The following CEP63 variants were observed in gnomAD, a reference collection of about 807,000 sequenced individuals.
CEP63 encodes the protein centrosomal protein 63, also known as centrosomal protein of 63 kDa.
A neutral mutation model predicts 89.1 loss-of-function variants in CEP63; 84 were observed. The observed-to-expected ratio is 0.94, with a 90% CI of 0.79 to 1.13. CEP63 has a LOEUF of 1.13. Ranked by LOEUF, CEP63 falls within the 50% of genes most tolerant of loss-of-function variation. The pLI is 0.00. For missense variants in CEP63, 838 were observed against 813.3 expected, an observed-to-expected ratio of 1.03 and a Z score of -0.37; for synonymous variants, 267 against 272.5, an observed-to-expected ratio of 0.98 and a Z score of 0.20.
chr3:134,516,179 GCAGA>G (rs1377010769), intron 3 of CEP63, among the ~76,000 whole-genome samples: 1 of 152,172 alleles, frequency 6.6e-6, no homozygotes. Flanking sequence ...GAGAAGGTCA[GCAGA>G]CAAACATGTG....
intron 8 of CEP63, among the ~76,000 whole-genome samples, chr3:134,546,871 A>G (rs1953475586): frequency 6.6e-6 from 1 of 152,194 alleles, no homozygotes; most frequent in South Asian, 2.1e-4. Context: ...GAAAATCCAA[A>G]TGTGCAGGGA....
the CEP63 span, among the ~76,000 whole-genome samples, chr3:134,723,046 C>T: frequency 2.6e-5 from 4 of 152,196 alleles, no homozygotes; most frequent in Admixed American, 2.0e-4. Flanking sequence ...TTGCCAAATG[C>T]CCTGCTAAAG....
At chr3:134,569,473 C>T (rs190541605), downstream of CEP63, among the ~76,000 whole-genome samples, 167 of 152,338 alleles carry the variant, frequency 1.1e-3, no homozygotes, top group Middle Eastern at 3.4e-3. Context: ...CGAAATCCAG[C>T]GGGGCAGTCA....
At chr3:134,677,289 C>T in the CEP63 span, among the ~76,000 whole-genome samples, 2 of 152,194 alleles carry the variant, frequency 1.3e-5, no homozygotes, top group Non-Finnish European at 2.9e-5. Flanking sequence ...CTTTACTTCG[C>T]ACCCTTTTCT....
At chr3:134,726,834 A>G in the CEP63 span, among the ~76,000 whole-genome samples, 2 of 152,156 alleles carry the variant, frequency 1.3e-5, no homozygotes, top group South Asian at 4.1e-4. Flanking sequence ...TGTTGCTCTC[A>G]CTGGGATTAG....
downstream of CEP63, among the ~76,000 whole-genome samples, chr3:134,577,309 A>C (rs971385852): frequency 6.6e-6 from 1 of 152,218 alleles, no homozygotes; most frequent in Non-Finnish European, 1.5e-5. Context: ...CTTTTTAAAA[A>C]ATAGTAGCAT....
chr3:134,694,902 T>G, the CEP63 span, among the ~76,000 whole-genome samples: 2 of 152,180 alleles, frequency 1.3e-5, no homozygotes, highest in African/African-American at 4.8e-5. Flanking sequence ...TGCACATGTG[T>G]GGGCACGTGT....
In CEP63 at chr3:134,563,706, G is replaced by C. The variant is rs1265436402; in HGVS notation, c.*2171G>C. The C allele has an allele frequency of 2.0e-5, 3 of 152,212 alleles. No individual in the cohort carries two copies. The highest frequency in any genetic ancestry group is 2.9e-5 in the Non-Finnish European group (2 of 68,104). The allele number at this position is 152,212 out of a possible 1,614,324, so 9.4% of individuals were successfully genotyped here. On this transcript the variant is annotated 3_prime_UTR_variant, in exon 15 of 15. Coordinates refer to ENST00000675561, the MANE Select transcript of CEP63 (RefSeq NM_001353108.3). ...CCAAAGTGCTGGGTTATAAGCGTGA[G>C]CCACTGCACCCAGCCCCAAGGCTTC...
chr3:134,538,023 A>G (rs1217691970), intron 6 of CEP63, among the ~76,000 whole-genome samples: 2 of 152,188 alleles, frequency 1.3e-5, no homozygotes, highest in African/African-American at 4.8e-5. Context: ...TAGAATCAAG[A>G]ACATAAAGGA....
In CEP63 at chr3:134,553,566, T is replaced by C. The variant is rs533826676; in HGVS notation, c.1467+1554T>C. On this transcript the variant is annotated intron_variant, in intron 12 of 14. Transcript: ENST00000675561. ...ATATCTAGTAAACAAAGAAAACTGT[T>C]CAACCTCTCTAATAAAGCAAAATAG... 37 of 152,270 alleles carry C rather than the reference T, an allele frequency of 2.4e-4. 1 individual carries two copies. In the South Asian group the frequency reaches 7.7e-3, roughly 32 times the overall value. 9.4% of individuals were successfully genotyped at this position (152,270 alleles called of 1,614,324 possible). A position where few individuals can be genotyped will look rare whatever the true frequency, so the allele number is the denominator to read the frequency against.
chr3:134,575,073 A>G (rs1207685255), downstream of CEP63: 3 of 388,306 alleles, frequency 7.7e-6, no homozygotes, highest in Non-Finnish European at 1.4e-5. Context: ...GACTGTCACT[A>G]AAAACATCAG....
At chr3:134,611,680 C>T in the CEP63 span, among the ~76,000 whole-genome samples, 1 of 152,188 alleles carries the variant, frequency 6.6e-6, no homozygotes, top group South Asian at 2.1e-4. Flanking sequence ...CAGTGGTGAC[C>T]CTGTGCTGTA....
the CEP63 span, chr3:134,650,933 C>G: frequency 1.9e-6 from 3 of 1,613,256 alleles, no homozygotes; most frequent in African/African-American, 1.3e-5. Flanking sequence ...TCGATAGATA[C>G]AGCGTTGATG....
chr3:134,625,683 G>A, the CEP63 span, among the ~76,000 whole-genome samples: 31 of 152,348 alleles, frequency 2.0e-4, no homozygotes, highest in African/African-American at 6.0e-4. Context: ...GGCGAGGTGC[G>A]TTTGGCACCC....
chr3:134,606,987 T>C, the CEP63 span: 6 of 985,280 alleles, frequency 6.1e-6, no homozygotes, highest in Non-Finnish European at 7.2e-6. Context: ...AAAGAAATAC[T>C]CTGTACATAA....
At chr3:134,666,187 C>A in the CEP63 span, among the ~76,000 whole-genome samples, 1 of 152,134 alleles carries the variant, frequency 6.6e-6, no homozygotes, top group Non-Finnish European at 1.5e-5. Flanking sequence ...TGAGCCAAAT[C>A]CCTTCCAGCC....
the CEP63 span, among the ~76,000 whole-genome samples, chr3:134,609,628 G>C: frequency 1.3e-5 from 2 of 152,168 alleles, no homozygotes; most frequent in African/African-American, 4.8e-5. Context: ...CAGAGCCCCA[G>C]AGGACAGAAA....
chr3:134,706,251 G>A, the CEP63 span, among the ~76,000 whole-genome samples: 1 of 152,170 alleles, frequency 6.6e-6, no homozygotes, highest in East Asian at 1.9e-4. Context: ...AGGAATTGAG[G>A]GTGTGGGAGT....
At chr3:134,514,672 A>C (rs1370290061) in intron 3 of CEP63, among the ~76,000 whole-genome samples, 2 of 152,250 alleles carry the variant, frequency 1.3e-5, no homozygotes, top group Non-Finnish European at 2.9e-5. Context: ...TTCCTCTACC[A>C]AACGAGAATT....
Sources: gnomAD v4.1 joint callset for allele counts (sites outside exome capture counted in the v4.1 genomes callset) on GRCh38, gnomAD v4.1.1 for gene constraint, MANE v1.5 for transcripts, NCBI Gene and HGNC (gene_info 2026-07-23, HGNC 2026-07-21) for gene names.